Variants in CCDC40 observed in about 807,000 individuals in gnomAD.
CCDC40 encodes the protein coiled-coil domain-containing protein 40.
Under a neutral mutation model 124.5 loss-of-function variants are expected in CCDC40, and 104 were observed. The observed-to-expected ratio is 0.84, with a 90% CI of 0.71 to 0.98. The LOEUF (loss-of-function observed/expected upper bound fraction) is 0.98, where lower values mean the gene tolerates loss of function less well. Ranked by LOEUF, CCDC40 falls within the 50% of genes least tolerant of loss-of-function variation. The pLI, the probability that CCDC40 is intolerant of heterozygous loss-of-function variation, is 0.00. For missense variants in CCDC40, 1,463 were observed against 1,503.9 expected (o/e 0.97, Z 0.45); for synonymous variants, 580 against 602.9 (o/e 0.96, Z 0.56).
intron 16 of CCDC40, 55 bp from the exon 17 acceptor site, chr17:80,089,709 C>A: frequency 6.2e-7 from 1 of 1,607,748 alleles, no homozygotes; most frequent in Non-Finnish European, 8.5e-7. Context: ...GTGAGCTCAC[C>A]GAAGCATCAG....
At chr17:80,098,050 A>G (rs2038843970) in intron 19 of CCDC40, 1 of 159,254 alleles carries the variant, frequency 6.3e-6, no homozygotes, top group Non-Finnish European at 1.4e-5. Flanking sequence ...AGGGATTGAC[A>G]TTTTGAGTTA....
Position 80,050,292 on chromosome 17 carries a change from A to C in CCDC40, c.1159+9A>C, listed in dbSNP as rs754557686. The C allele has an allele frequency of 6.4e-7, 1 of 1,550,980 alleles. No homozygotes were observed. The highest frequency in any genetic ancestry group is 8.7e-7 in the Non-Finnish European group (1 of 1,147,798). ...CGAGGAGCGCAAAAAGTGTAAGGCA[A>C]CCCGGCAGCCCCACACGCCATCCGG... is the stretch of plus-strand genomic sequence containing the variant. On this transcript the variant is annotated intron_variant, in intron 7 of 19. Transcript: ENST00000397545.
At chr17:80,078,310 A>G (rs1293839832) in intron 10 of CCDC40, among the ~76,000 whole-genome samples, 32 of 150,514 alleles carry the variant, frequency 2.1e-4, no homozygotes, top group African/African-American at 4.2e-4. Flanking sequence ...CAGCCTGGGC[A>G]ACAGAGCGAG....
At chr17:80,038,631 C>G (rs1429752563) in intron 2 of CCDC40, among the ~76,000 whole-genome samples, 2 of 151,910 alleles carry the variant, frequency 1.3e-5, no homozygotes, top group Admixed American at 1.3e-4. Flanking sequence ...TCGAGACTAT[C>G]CTGGCCAACA....
At chr17:80,065,888 A>G (rs1051533245) in intron 10 of CCDC40, among the ~76,000 whole-genome samples, 8 of 152,194 alleles carry the variant, frequency 5.3e-5, no homozygotes, top group Non-Finnish European at 7.3e-5. Context: ...AGAGAAAGCT[A>G]TCTTTGGGAG....
chr17:80,083,264 A>C (rs9910668), intron 12 of CCDC40, among the ~76,000 whole-genome samples: 105,580 of 151,446 alleles, frequency 0.7, 37,182 homozygotes, highest in Middle Eastern at 0.83. Flanking sequence ...CTCAGGGTGA[A>C]CTTGGCAGAG....
chr17:80,039,170 C>T (rs961212751), intron 2 of CCDC40, among the ~76,000 whole-genome samples: 1 of 151,796 alleles, frequency 6.6e-6, no homozygotes, highest in Non-Finnish European at 1.5e-5. Context: ...AATTCAAGAC[C>T]AGCCTGGCCA....
At chr17:80,078,617 A>G (rs1005442285) in intron 10 of CCDC40, among the ~76,000 whole-genome samples, 3 of 152,142 alleles carry the variant, frequency 2.0e-5, no homozygotes, top group Admixed American at 6.6e-5. Context: ...CAGACTCTCT[A>G]TTCTGTTCCG....
At position 80,050,089 on chromosome 17, in the gene CCDC40, C is replaced by G; in HGVS notation, c.965C>G (p.Ala322Gly). 1.9e-6 allele frequency: 3 copies of G among 1,613,746 alleles called. No individual in the cohort carries two copies. Among genetic ancestry groups the G allele is most frequent in the Non-Finnish European group, 2.5e-6 (3 of 1,179,946 alleles). The change falls in exon 7 of 20, where the codon GCC (alanine) becomes GGC (glycine). Residue 322 changes from alanine (A) to glycine (G), a missense_variant. Ala to Gly is a moderately conservative substitution (Grantham distance 60). Transcript: ENST00000397545. ...ELVVATKQSR[A>G]QRQELGVNLY... ...GTTGTGGCTACCAAGCAGAGCCGAG[C>G]CCAGCGGCAGGAGCTGGGGGTGAAT... is the stretch of plus-strand genomic sequence containing the variant.
intron 17 of CCDC40, chr17:80,090,121 C>A: frequency 6.5e-7 from 1 of 1,536,252 alleles, no homozygotes; most frequent in Non-Finnish European, 8.7e-7. Flanking sequence ...TTACCACACG[C>A]TTGCTTTTAA....
At chr17:80,067,825 T>C in intron 10 of CCDC40, 3 of 1,438,722 alleles carry the variant, frequency 2.1e-6, no homozygotes, top group Non-Finnish European at 2.7e-6. Flanking sequence ...CTCAGCATGT[T>C]GTCACACTTC....
intron 17 of CCDC40, among the ~76,000 whole-genome samples, chr17:80,094,540 C>G (rs1191988189): frequency 6.6e-6 from 1 of 151,366 alleles, no homozygotes. Flanking sequence ...ACTAAAAATA[C>G]AAAAATTAGC....
chr17:80,093,167 T>TA (rs562208546), intron 17 of CCDC40, among the ~76,000 whole-genome samples: 203 of 152,334 alleles, frequency 1.3e-3, no homozygotes, highest in African/African-American at 4.6e-3. Flanking sequence ...ACTCTATACT[T>TA]ACGAAATTCC....
intron 7 of CCDC40, among the ~76,000 whole-genome samples, chr17:80,055,761 C>A (rs959266236): frequency 9.2e-5 from 14 of 151,688 alleles, no homozygotes; most frequent in African/African-American, 3.4e-4. Flanking sequence ...TTTTCCCCTT[C>A]CCCCACCCAG....
chr17:80,052,073 C>T (rs1009634162), intron 7 of CCDC40, among the ~76,000 whole-genome samples: 1 of 152,250 alleles, frequency 6.6e-6, no homozygotes, highest in East Asian at 1.9e-4. Flanking sequence ...ACTGCACAGT[C>T]CCTTAGGTGA....
chr17:80,077,688 T>C (rs1043573314), intron 10 of CCDC40, among the ~76,000 whole-genome samples: 14 of 152,218 alleles, frequency 9.2e-5, no homozygotes, highest in African/African-American at 3.1e-4. Context: ...TTAGCAAATG[T>C]GTGGTGCATC....
intron 7 of CCDC40, among the ~76,000 whole-genome samples, chr17:80,054,990 A>G (rs1254620705): frequency 6.6e-6 from 1 of 151,952 alleles, no homozygotes; most frequent in Non-Finnish European, 1.5e-5. Flanking sequence ...AAAAAAATAA[A>G]TAAATCAAAT....
chr17:80,085,361 G>A (rs1161439302), intron 13 of CCDC40, among the ~76,000 whole-genome samples: 1 of 152,240 alleles, frequency 6.6e-6, no homozygotes, highest in Non-Finnish European at 1.5e-5. Context: ...ATATTCTGCT[G>A]CTCTAAGAAA....
intron 4 of CCDC40, 94 bp downstream of exon 4, chr17:80,047,496 A>G (rs1032975039): frequency 8.9e-6 from 12 of 1,346,882 alleles, no homozygotes; most frequent in African/African-American, 1.5e-5. Flanking sequence ...GTCATCCGTT[A>G]CCTGTTTCCT....
Sources: allele counts gnomAD v4.1 joint callset (sites outside exome capture counted in the v4.1 genomes callset), GRCh38; gene constraint gnomAD v4.1.1; transcripts MANE v1.5; gene names NCBI Gene and HGNC (gene_info 2026-07-23, HGNC 2026-07-21).